Variants in GPC5 observed in about 807,000 individuals in gnomAD.
The protein encoded by GPC5 is glypican 5.
GPC5 carries 47 observed loss-of-function variants against 53.9 expected under a neutral mutation model. The ratio of observed to expected loss-of-function variants is 0.87; its 90% CI spans 0.69 to 1.11. The LOEUF (loss-of-function observed/expected upper bound fraction) is 1.11. Ranked by LOEUF, GPC5 falls within the 50% of genes most tolerant of loss-of-function variation. GPC5 has a pLI of 0.00. For missense variants in GPC5, 748 were observed against 713.1 expected, an observed-to-expected ratio of 1.05 and a Z score of -0.56; for synonymous variants, 286 against 263.3, an observed-to-expected ratio of 1.09 and a Z score of -0.84.
chr13:92,467,563 A>C (rs926192796), intron 7 of GPC5, among the ~76,000 whole-genome samples: 11 of 152,120 alleles, frequency 7.2e-5, no homozygotes, highest in African/African-American at 2.7e-4. Context: ...ACATACACAC[A>C]AAGAAATATA....
intron 6 of GPC5, among the ~76,000 whole-genome samples, chr13:91,977,831 G>A (rs1436162247): frequency 6.6e-6 from 1 of 152,066 alleles, no homozygotes; most frequent in East Asian, 1.9e-4. Flanking sequence ...AACTTTTAGC[G>A]CTAGGTGCAA....
chr13:91,399,145 T>C lies in GPC5; in HGVS notation c.99T>C (p.Val33=), dbSNP rs1876712130. The C allele has an allele frequency of 4.3e-6, 7 of 1,613,448 alleles. No individual in the cohort carries two copies. The African/African-American group carries it at 9.3e-5, about 22-fold the overall frequency. ...AGGGCGTGCAGACCTGCGAAGAAGT[T>C]CGGAAACTTTTCCAGTGGCGGCTGC... ...RSEGVQTCEE[V]RKLFQWRLLG... Residue 33 remains valine (V), a synonymous_variant, in exon 1 of 8, where the codon GTT becomes GTC. Transcript: ENST00000377067.
At chr13:92,487,935 G>C (rs189664480) in intron 7 of GPC5, among the ~76,000 whole-genome samples, 1 of 152,082 alleles carries the variant, frequency 6.6e-6, no homozygotes. Flanking sequence ...TTAGTGATTG[G>C]AAGGAAATAT....
At chr13:91,985,370 ATT>A (rs60884117) in intron 6 of GPC5, among the ~76,000 whole-genome samples, 6 of 142,672 alleles carry the variant, frequency 4.2e-5, no homozygotes, top group Admixed American at 1.4e-4. Context: ...TAAAATCAGC[ATT>A]TTTTTTTTTT....
At chr13:91,718,847 A>T (rs1402932516) in intron 3 of GPC5, among the ~76,000 whole-genome samples, 1 of 152,096 alleles carries the variant, frequency 6.6e-6, no homozygotes, top group Non-Finnish European at 1.5e-5. Flanking sequence ...TTTCTTTGGC[A>T]CATACTTTGT....
At chr13:91,503,361 C>T (rs1427130033) in intron 2 of GPC5, among the ~76,000 whole-genome samples, 1 of 151,870 alleles carries the variant, frequency 6.6e-6, no homozygotes, top group Non-Finnish European at 1.5e-5. Context: ...TAAAGTTGAC[C>T]AAGAATACCA....
intron 7 of GPC5, among the ~76,000 whole-genome samples, chr13:92,775,273 A>T (rs943937630): frequency 6.6e-6 from 1 of 152,230 alleles, no homozygotes; most frequent in African/African-American, 2.4e-5. Flanking sequence ...CACGAAGTGT[A>T]ATTTTCCTCA....
At chr13:92,025,727 T>G (rs528595070) in intron 6 of GPC5, among the ~76,000 whole-genome samples, 4 of 152,340 alleles carry the variant, frequency 2.6e-5, no homozygotes, top group African/African-American at 9.6e-5. Flanking sequence ...ATTATAAGTC[T>G]TGGTTTTACT....
At chr13:92,629,593 A>G (rs1885170085) in intron 7 of GPC5, among the ~76,000 whole-genome samples, 1 of 152,232 alleles carries the variant, frequency 6.6e-6, no homozygotes, top group Non-Finnish European at 1.5e-5. Flanking sequence ...ATATATAATC[A>G]TGAGTTTCAC....
intron 7 of GPC5, among the ~76,000 whole-genome samples, chr13:92,485,707 G>T (rs971286742): frequency 6.6e-6 from 1 of 152,212 alleles, no homozygotes; most frequent in Non-Finnish European, 1.5e-5. Context: ...CAGGCACGTT[G>T]GCACATGCCT....
At chr13:92,791,353 C>A (rs1876454135) in intron 7 of GPC5, among the ~76,000 whole-genome samples, 1 of 146,636 alleles carries the variant, frequency 6.8e-6, no homozygotes. Flanking sequence ...CACTCACATG[C>A]ATACATGTAT....
intron 5 of GPC5, among the ~76,000 whole-genome samples, chr13:91,858,965 G>T (rs770551785): frequency 6.7e-6 from 1 of 150,304 alleles, no homozygotes; most frequent in Non-Finnish European, 1.5e-5. Flanking sequence ...AGCCTGTAAT[G>T]ATCCTTAGAA....
At chr13:91,542,551 C>G (rs915045601) in intron 2 of GPC5, among the ~76,000 whole-genome samples, 8 of 152,280 alleles carry the variant, frequency 5.3e-5, no homozygotes, top group African/African-American at 1.7e-4. Flanking sequence ...GTGTAGGACA[C>G]GAGCGCAGTT....
At chr13:92,695,203 G>C (rs1362434923) in intron 7 of GPC5, among the ~76,000 whole-genome samples, 1 of 152,146 alleles carries the variant, frequency 6.6e-6, no homozygotes, top group Admixed American at 6.5e-5. Context: ...TTTCATGCTT[G>C]TTGGCCACTT....
chr13:91,935,213 A>G (rs949643064), intron 6 of GPC5, among the ~76,000 whole-genome samples: 6 of 151,950 alleles, frequency 3.9e-5, no homozygotes, highest in African/African-American at 1.4e-4. Context: ...TCTCATCTGA[A>G]TTGCTAATCA....
At chr13:92,258,890 C>G (rs959400108) in intron 7 of GPC5, among the ~76,000 whole-genome samples, 1 of 152,148 alleles carries the variant, frequency 6.6e-6, no homozygotes, top group Non-Finnish European at 1.5e-5. Flanking sequence ...CTGCAGTGTA[C>G]TATGATCATG....
intron 7 of GPC5, among the ~76,000 whole-genome samples, chr13:92,174,608 T>C (rs1236445245): frequency 1.3e-5 from 2 of 151,996 alleles, no homozygotes; most frequent in Non-Finnish European, 2.9e-5. Flanking sequence ...ACTTCATTCA[T>C]ACATTTATCC....
intron 7 of GPC5, among the ~76,000 whole-genome samples, chr13:92,218,491 C>T (rs983533689): frequency 3.3e-5 from 5 of 152,122 alleles, no homozygotes; most frequent in Non-Finnish European, 5.9e-5. Context: ...ATGATATGCC[C>T]TTCAAGGCTG....
At chr13:92,072,331 A>T (rs2041219080) in intron 6 of GPC5, among the ~76,000 whole-genome samples, 1 of 151,514 alleles carries the variant, frequency 6.6e-6, no homozygotes, top group Admixed American at 6.6e-5. Flanking sequence ...CAGTGGTATG[A>T]TCTCGGCTCA....
Sources: allele counts gnomAD v4.1 joint callset (sites outside exome capture counted in the v4.1 genomes callset), GRCh38; gene constraint gnomAD v4.1.1; transcripts MANE v1.5; gene names NCBI Gene and HGNC (gene_info 2026-07-23, HGNC 2026-07-21).